The following SHROOM3 variants were observed in gnomAD, a reference collection of about 807,000 sequenced individuals.
SHROOM3 encodes shroom family member 3, also known as protein Shroom3.
A neutral mutation model predicts 138.6 loss-of-function variants in SHROOM3; 47 were observed. That is an observed-to-expected ratio of 0.34 (90% CI 0.27 to 0.43). SHROOM3 has a LOEUF of 0.43. Ranked by LOEUF, SHROOM3 falls within the 20% of genes least tolerant of loss-of-function variation. The pLI is 1.00. For missense variants in SHROOM3, 2,491 were observed against 2,596.5 expected (o/e 0.96, Z 0.88); for synonymous variants, 1,062 against 1,063.3 (o/e 1.00, Z 0.02).
chr4:76,639,425 G>C, intron 2 of SHROOM3: 1 of 395,388 alleles, frequency 2.5e-6, no homozygotes, highest in Non-Finnish European at 4.5e-6. Flanking sequence ...TTGGCTGGGA[G>C]GTGCACCTAC....
intron 10 of SHROOM3, among the ~76,000 whole-genome samples, chr4:76,772,876 T>G (rs1241989595): frequency 6.6e-6 from 1 of 152,112 alleles, no homozygotes; most frequent in Admixed American, 6.5e-5. Context: ...TGGGGGAGCG[T>G]AAGGCAGGAA....
Position 76,555,640 on chromosome 4 carries a change from G to C in SHROOM3, c.200G>C (p.Ser67Thr). 3 of 1,614,016 alleles carry C rather than the reference G, an allele frequency of 1.9e-6. No individual in the cohort carries two copies. Among genetic ancestry groups the C allele is most frequent in the Non-Finnish European group, 2.5e-6 (3 of 1,180,028 alleles). The change falls in exon 2 of 11, where the codon AGC becomes ACC. Residue 67 changes from serine (S) to threonine (T), a missense_variant. This residue lies in a region of SHROOM3 where 284 missense variants were observed against 322.8 expected (regional missense o/e 0.88). Coordinates refer to ENST00000296043, the MANE Select transcript of SHROOM3 (RefSeq NM_020859.4). ...GAAGGGGGCAAAGCAGACACCCTGA[G>C]CTCCAAACTGCAGGCTGGGGATGAG... Reference protein sequence around the residue: ...VEEGGKADTLSSKLQAGDEVV... With the variant: ...VEEGGKADTLTSKLQAGDEVV...
chr4:76,536,826 G>A (rs917132774), intron 1 of SHROOM3, among the ~76,000 whole-genome samples: 1 of 152,134 alleles, frequency 6.6e-6, no homozygotes, highest in Non-Finnish European at 1.5e-5. Flanking sequence ...AAATAATGCA[G>A]GCAAGGCTGG....
At chr4:76,581,966 A>C (rs893259830) in intron 2 of SHROOM3, among the ~76,000 whole-genome samples, 1 of 152,228 alleles carries the variant, frequency 6.6e-6, no homozygotes, top group African/African-American at 2.4e-5. Flanking sequence ...CAAAAGTGAG[A>C]TGTACAGGAC....
At chr4:76,763,153 A>T (rs1176003898) in intron 9 of SHROOM3, among the ~76,000 whole-genome samples, 2 of 152,198 alleles carry the variant, frequency 1.3e-5, no homozygotes, top group Admixed American at 6.5e-5. Flanking sequence ...TGGGAGGCCA[A>T]GGCAGGAGGA....
chr4:76,492,185 C>T (rs1287509944), intron 1 of SHROOM3, among the ~76,000 whole-genome samples: 1 of 152,198 alleles, frequency 6.6e-6, no homozygotes, highest in Non-Finnish European at 1.5e-5. Context: ...AAGTATTTTC[C>T]GTTTTCAGAA....
In SHROOM3 at chr4:76,609,400, A is replaced by G. The variant is rs574069491; in HGVS notation, c.323+53637A>G. ...TGGGCTCAAGCAATCCTCTTGCTTC[A>G]GCCTCCTGGGTAGCTAAGACTACAG... On this transcript the variant is annotated intron_variant, in intron 2 of 10. Coordinates refer to ENST00000296043, the MANE Select transcript of SHROOM3 (RefSeq NM_020859.4). Among the ~76,000 whole-genome samples, 15 of 152,314 alleles carry G rather than the reference A, an allele frequency of 9.8e-5. No individual in the cohort carries two copies. In the East Asian group the frequency reaches 2.9e-3, roughly 29 times the overall value.
intron 2 of SHROOM3, among the ~76,000 whole-genome samples, chr4:76,671,809 A>G (rs1718893256): frequency 6.6e-6 from 1 of 152,222 alleles, no homozygotes; most frequent in African/African-American, 2.4e-5. Context: ...GCTTGGAACC[A>G]GAAGTGTTTT....
At chr4:76,769,873 A>C (rs1377799142) in intron 9 of SHROOM3, among the ~76,000 whole-genome samples, 1 of 152,218 alleles carries the variant, frequency 6.6e-6, no homozygotes, top group Non-Finnish European at 1.5e-5. Context: ...AGCTACAATT[A>C]ATATTCAACT....
At chr4:76,691,181 T>C (rs887797591) in intron 2 of SHROOM3, among the ~76,000 whole-genome samples, 5 of 152,172 alleles carry the variant, frequency 3.3e-5, no homozygotes, top group African/African-American at 1.2e-4. Flanking sequence ...TTCCTCACCA[T>C]ACATTTGATA....
intron 2 of SHROOM3, among the ~76,000 whole-genome samples, chr4:76,646,253 TA>T (rs1298148431): frequency 2.1e-5 from 3 of 142,698 alleles, no homozygotes; most frequent in Non-Finnish European, 3.0e-5. Context: ...TATATAAAAT[TA>T]AAAAAAAGAA....
At chr4:76,603,465 C>A (rs373126670) in intron 2 of SHROOM3, among the ~76,000 whole-genome samples, 1 of 152,030 alleles carries the variant, frequency 6.6e-6, no homozygotes, top group African/African-American at 2.4e-5. Flanking sequence ...AAAAAAAAAC[C>A]GTACTTTGCA....
At chr4:76,525,662 G>A (rs1560533924) in intron 1 of SHROOM3, among the ~76,000 whole-genome samples, 1 of 152,006 alleles carries the variant, frequency 6.6e-6, no homozygotes, top group African/African-American at 2.4e-5. Context: ...AAATTAGATT[G>A]TTTTTTTCTT....
chr4:76,513,590 A>C (rs1732383540), intron 1 of SHROOM3, among the ~76,000 whole-genome samples: 1 of 152,230 alleles, frequency 6.6e-6, no homozygotes, highest in Admixed American at 6.5e-5. Flanking sequence ...CTGGGATTAC[A>C]GGCATGAGCC....
intron 3 of SHROOM3, chr4:76,715,949 A>T (rs1720360404): frequency 5.9e-6 from 1 of 168,826 alleles, no homozygotes; most frequent in South Asian, 1.6e-4. Context: ...GGAGGAGGGC[A>T]TGTGTTTAGC....
intron 7 of SHROOM3, 103 bp downstream of exon 7, chr4:76,755,295 A>T: frequency 7.4e-7 from 1 of 1,356,716 alleles, no homozygotes. Context: ...TGGCATGGAG[A>T]TGTTTCTATA....
At chr4:76,626,926 C>CT (rs1401517184) in intron 2 of SHROOM3, among the ~76,000 whole-genome samples, 2 of 152,150 alleles carry the variant, frequency 1.3e-5, no homozygotes, top group Admixed American at 6.5e-5. Flanking sequence ...GGCTAATGGG[C>CT]TACCAACAAC....
chr4:76,778,929 G>A lies in SHROOM3; in HGVS notation c.5743G>A (p.Glu1915Lys), dbSNP rs1242309328. The A allele has an allele frequency of 2.5e-5, 41 of 1,613,778 alleles. No homozygotes were observed. Among genetic ancestry groups the A allele is most frequent in the Non-Finnish European group, 3.3e-5 (39 of 1,180,046 alleles). Residue 1915 changes from glutamate to lysine, a missense_variant, in exon 11 of 11, where the codon GAG becomes AAG. Around this residue, in one of 4 missense-constraint regions of SHROOM3, gnomAD observed 470 missense variants for 595.0 expected, o/e 0.79. Coordinates refer to ENST00000296043, the MANE Select transcript of SHROOM3 (RefSeq NM_020859.4). ...VLGILANYLS[E>K]EQLQDYQHFV... ...GGGCATCTTGGCCAATTACCTTTCA[G>A]AGGAGCAGCTCCAGGACTACCAGCA...
At chr4:76,453,906 G>A (rs764236238) in intron 1 of SHROOM3, among the ~76,000 whole-genome samples, 8 of 152,138 alleles carry the variant, frequency 5.3e-5, no homozygotes, top group Non-Finnish European at 1.2e-4. Flanking sequence ...TTTTTCTTTT[G>A]TTGTCTGTGC....
Sources: allele counts gnomAD v4.1 joint callset (sites outside exome capture counted in the v4.1 genomes callset), GRCh38; gene constraint gnomAD v4.1.1; regional missense constraint gnomAD v4.1.1; transcripts MANE v1.5; gene names NCBI Gene and HGNC (gene_info 2026-07-23, HGNC 2026-07-21).